ASH1L: variants seen among roughly 807,000 people sequenced by gnomAD.
ASH1L encodes the protein histone-lysine N-methyltransferase ASH1L.
In ASH1L, 23 loss-of-function variants were observed where a neutral mutation model predicts 269.0. The observed-to-expected ratio is 0.09, with a 90% CI of 0.06 to 0.12. The LOEUF (loss-of-function observed/expected upper bound fraction) is 0.12. Ranked by LOEUF, ASH1L falls within the 10% of genes least tolerant of loss-of-function variation. The pLI, the probability that ASH1L is intolerant of heterozygous loss-of-function variation, is 1.00. For missense variants in ASH1L, 2,912 were observed against 3,567.8 expected (o/e 0.82, Z 4.68); for synonymous variants, 1,187 against 1,253.5 (o/e 0.95, Z 1.12).
intron 1 of ASH1L, among the ~76,000 whole-genome samples, chr1:155,536,252 A>G (rs1277482897): frequency 6.6e-6 from 1 of 152,154 alleles, no homozygotes. Flanking sequence ...GGCTTCCTGG[A>G]ACTGAATGAG....
At chr1:155,530,368 T>C (rs182584083) in intron 1 of ASH1L, among the ~76,000 whole-genome samples, 1 of 152,278 alleles carries the variant, frequency 6.6e-6, no homozygotes, top group African/African-American at 2.4e-5. Flanking sequence ...TAGTAGGTGT[T>C]CAATAAATAT....
In ASH1L at chr1:155,439,004, C is replaced by G. The variant is rs1367691522; in HGVS notation, c.5151G>C (p.Leu1717=). Residue 1717 remains leucine, a synonymous_variant, in exon 5 of 28, where the codon CTG becomes CTC. Transcript: ENST00000392403. ...CCTCATTTTGTACCATCCGCTGCAG[C>G]AGACTATCCACAGAGTCATCCCCAG... ...VASGDDSVDS[L]LQRMVQNEDQ... The G allele has an allele frequency of 1.2e-6, 2 of 1,614,136 alleles. No homozygotes were observed. Among genetic ancestry groups the G allele is most frequent in the South Asian group, 1.1e-5 (1 of 91,084 alleles).
intron 3 of ASH1L, among the ~76,000 whole-genome samples, chr1:155,471,547 T>C (rs1042482201): frequency 1.4e-4 from 22 of 152,304 alleles, no homozygotes; most frequent in Admixed American, 1.1e-3. Flanking sequence ...GTGAATATAG[T>C]GATGTGCTGG....
intron 1 of ASH1L, among the ~76,000 whole-genome samples, chr1:155,526,888 A>G (rs1361623491): frequency 6.6e-6 from 1 of 152,214 alleles, no homozygotes; most frequent in African/African-American, 2.4e-5. Context: ...AAACAAAAAC[A>G]TACTATAATA....
chr1:155,497,998 C>T (rs1270875174), intron 2 of ASH1L, among the ~76,000 whole-genome samples: 9 of 152,044 alleles, frequency 5.9e-5, no homozygotes, highest in Non-Finnish European at 1.0e-4. Context: ...GAGATCCACC[C>T]GCCTCGGCCT....
chr1:155,349,261 T>TA (rs1410055965), intron 19 of ASH1L, 66 bp downstream of exon 19: 34 of 1,548,070 alleles, frequency 2.2e-5, no homozygotes, highest in Non-Finnish European at 2.9e-5. Flanking sequence ...GTAAAAATCT[T>TA]AAACTTCTAG....
At chr1:155,531,365 CT>C (rs34974040) in intron 1 of ASH1L, among the ~76,000 whole-genome samples, 58 of 146,074 alleles carry the variant, frequency 4.0e-4, no homozygotes, top group Admixed American at 4.1e-4. Context: ...CCAAAGAATT[CT>C]TTTTTTTTTT....
chr1:155,422,303 ATT>A (rs757564991), intron 5 of ASH1L, among the ~76,000 whole-genome samples: 31 of 120,928 alleles, frequency 2.6e-4, no homozygotes, highest in African/African-American at 9.6e-4. Context: ...CGCCCAGCTA[ATT>A]TTTTTTTTTT....
In ASH1L at chr1:155,349,477, G is replaced by A; in HGVS notation, c.7422-18C>T. Reference sequence around the variant, plus strand: ...CAGCATTCCTGGAACACAAAGCCAGGGTGTCAATCTGGCACACTTAGCACT... The same window carrying A: ...CAGCATTCCTGGAACACAAAGCCAGAGTGTCAATCTGGCACACTTAGCACT... On this transcript the variant is annotated intron_variant, in intron 18 of 27. Transcript: ENST00000392403. 6.2e-7 allele frequency: 1 copy of A among 1,613,874 alleles called. No homozygotes were observed. The highest frequency in any genetic ancestry group is 8.5e-7 in the Non-Finnish European group (1 of 1,179,978).
At chr1:155,378,584 T>TG in intron 8 of ASH1L, 36 bp from the exon 9 acceptor site, 1 of 1,527,286 alleles carries the variant, frequency 6.5e-7, no homozygotes, top group Non-Finnish European at 9.0e-7. Flanking sequence ...ATATAGCATT[T>TG]AACTTCAAAT....
Position 155,481,255 on chromosome 1 carries a change from C to A in ASH1L, c.1615G>T (p.Asp539Tyr). ...SPDFKMGGAS[D>Y]VSTAKSPFSA... Reference sequence around the variant, plus strand: ...AATGGGGATTTAGCGGTAGATACATCAGAAGCACCTCCCATTTTAAAGTCC... The same window carrying A: ...AATGGGGATTTAGCGGTAGATACATAAGAAGCACCTCCCATTTTAAAGTCC... The change falls in exon 3 of 28, where the codon GAT (aspartate) becomes TAT (tyrosine). Residue 539 changes from aspartate to tyrosine, a missense_variant. Asp to Tyr is a radical substitution (Grantham distance 160). Coordinates refer to ENST00000392403, the MANE Select transcript of ASH1L (RefSeq NM_018489.3). The A allele has an allele frequency of 6.2e-7, 1 of 1,614,102 alleles. No homozygotes were observed. The highest frequency in any genetic ancestry group is 8.5e-7 in the Non-Finnish European group (1 of 1,180,002).
intron 5 of ASH1L, among the ~76,000 whole-genome samples, chr1:155,425,491 T>C (rs780165419): frequency 1.3e-4 from 20 of 150,458 alleles, no homozygotes; most frequent in East Asian, 2.0e-4. Flanking sequence ...CAGGCTGGAG[T>C]GCAATGGTGC....
Position 155,346,481 on chromosome 1 carries a change from CAT to C in ASH1L, c.7804-14_7804-13del. The C allele has an allele frequency of 1.2e-6, 2 of 1,611,664 alleles. No homozygotes were observed. The highest frequency in any genetic ancestry group is 1.7e-6 in the Non-Finnish European group (2 of 1,177,908). On this transcript the variant is annotated splice_polypyrimidine_tract_variant and intron_variant, in intron 20 of 27. Coordinates refer to ENST00000392403, the MANE Select transcript of ASH1L (RefSeq NM_018489.3). ...CAGTGCTGCCATACCTGTAGAAAAA[CAT>C]ACAGTTTGGGGAACATGGAGGCTAT...
chr1:155,517,698 A>G (rs932953871), intron 2 of ASH1L, among the ~76,000 whole-genome samples: 5 of 152,086 alleles, frequency 3.3e-5, no homozygotes, highest in African/African-American at 4.8e-5. Flanking sequence ...CAGTAATGAA[A>G]ACAGTGTGGT....
At chr1:155,400,791 T>C (rs1658766561) in intron 6 of ASH1L, among the ~76,000 whole-genome samples, 1 of 152,234 alleles carries the variant, frequency 6.6e-6, no homozygotes, top group Admixed American at 6.5e-5. Flanking sequence ...TAAATTTAGA[T>C]AAACATAAAT....
chr1:155,398,877 C>T (rs918743577), intron 6 of ASH1L, among the ~76,000 whole-genome samples: 3 of 151,868 alleles, frequency 2.0e-5, no homozygotes, highest in East Asian at 1.9e-4. Flanking sequence ...CATGCTACCA[C>T]GAAGGGATGG....
intron 2 of ASH1L, among the ~76,000 whole-genome samples, chr1:155,497,752 T>TA (rs930858066): frequency 4.4e-5 from 6 of 135,094 alleles, no homozygotes; most frequent in African/African-American, 1.2e-4. Context: ...AAGAAAATTC[T>TA]TTTTTTTTTT....
At chr1:155,454,762 C>G (rs967877783) in intron 4 of ASH1L, among the ~76,000 whole-genome samples, 2 of 151,934 alleles carry the variant, frequency 1.3e-5, no homozygotes, top group African/African-American at 4.8e-5. Flanking sequence ...GAGCGAGACT[C>G]TGTCAAAAAT....
At chr1:155,364,900 C>G (rs1252499258) in intron 12 of ASH1L, among the ~76,000 whole-genome samples, 4 of 146,786 alleles carry the variant, frequency 2.7e-5, no homozygotes, top group Non-Finnish European at 5.9e-5. Flanking sequence ...CAAGATCATA[C>G]CACTGTACTC....
Sources: allele counts gnomAD v4.1 joint callset (sites outside exome capture counted in the v4.1 genomes callset), GRCh38; gene constraint gnomAD v4.1.1; transcripts MANE v1.5; gene names NCBI Gene and HGNC (gene_info 2026-07-23, HGNC 2026-07-21).